FGGY: variants seen among roughly 807,000 people sequenced by gnomAD.
The protein encoded by FGGY is FGGY carbohydrate kinase domain-containing protein.
In FGGY, 72 loss-of-function variants were observed where a neutral mutation model predicts 71.3. The ratio of observed to expected loss-of-function variants is 1.01; its 90% CI spans 0.84 to 1.23. The LOEUF (loss-of-function observed/expected upper bound fraction) is 1.23. Ranked by LOEUF, FGGY falls within the 50% of genes most tolerant of loss-of-function variation. The probability of loss-of-function intolerance (pLI) is 0.00; values close to 1 mark genes in which losing one functional copy is unlikely to be tolerated. For missense variants in FGGY, 668 were observed against 682.3 expected, an observed-to-expected ratio of 0.98 and a Z score of 0.23; for synonymous variants, 251 against 250.3, an observed-to-expected ratio of 1.00 and a Z score of -0.02.
intron 5 of FGGY, among the ~76,000 whole-genome samples, chr1:59,410,803 A>C (rs1280142311): frequency 6.6e-6 from 1 of 152,198 alleles, no homozygotes; most frequent in Non-Finnish European, 1.5e-5. Context: ...ATTAAAAAAT[A>C]TTATAATGTG....
intron 5 of FGGY, among the ~76,000 whole-genome samples, chr1:59,456,031 C>A (rs1358032242): frequency 6.6e-6 from 1 of 152,206 alleles, no homozygotes; most frequent in African/African-American, 2.4e-5. Flanking sequence ...TGACCATACT[C>A]TTTATTATCT....
upstream of FGGY, chr1:59,297,049 T>A (rs993394554): frequency 6.8e-6 from 1 of 147,608 alleles, no homozygotes; most frequent in Non-Finnish European, 1.4e-5. Flanking sequence ...TGCCTCCTCC[T>A]CCCCTGCCTC....
chr1:59,550,774 T>C (rs1296886310), intron 7 of FGGY, among the ~76,000 whole-genome samples: 1 of 152,190 alleles, frequency 6.6e-6, no homozygotes, highest in African/African-American at 2.4e-5. Flanking sequence ...GTTTTCATTA[T>C]GTAAGACAAT....
chr1:59,544,758 G>C (rs1465949113), intron 7 of FGGY, among the ~76,000 whole-genome samples: 1 of 152,212 alleles, frequency 6.6e-6, no homozygotes, highest in Non-Finnish European at 1.5e-5. Context: ...AACTGGTGGT[G>C]AGAAAGAATC....
At chr1:59,302,794 T>C (rs1365235798) in intron 1 of FGGY, among the ~76,000 whole-genome samples, 1 of 152,132 alleles carries the variant, frequency 6.6e-6, no homozygotes, top group Non-Finnish European at 1.5e-5. Flanking sequence ...GAAAGTTTAA[T>C]TGAATCTTAT....
At chr1:59,417,868 T>C (rs143808862) in intron 5 of FGGY, among the ~76,000 whole-genome samples, 4 of 152,338 alleles carry the variant, frequency 2.6e-5, no homozygotes, top group African/African-American at 9.6e-5. Context: ...GAAAACTTAG[T>C]TCCTCAGTCA....
intron 8 of FGGY, among the ~76,000 whole-genome samples, chr1:59,569,837 G>A (rs564728011): frequency 6.6e-6 from 1 of 152,062 alleles, no homozygotes; most frequent in Non-Finnish European, 1.5e-5. Context: ...TAAGTGATTT[G>A]TTCAGTGTCC....
At chr1:59,371,986 A>C (rs2057733200) in intron 4 of FGGY, among the ~76,000 whole-genome samples, 1 of 152,102 alleles carries the variant, frequency 6.6e-6, no homozygotes, top group Admixed American at 6.5e-5. Flanking sequence ...CCCTAACATC[A>C]CAATTAAAAG....
intron 8 of FGGY, among the ~76,000 whole-genome samples, chr1:59,597,085 A>G (rs2096532184): frequency 6.6e-6 from 1 of 151,890 alleles, no homozygotes; most frequent in African/African-American, 2.4e-5. Context: ...CTTTTTGCCT[A>G]TTCAGTTTAG....
At position 59,607,923 on chromosome 1, in the gene FGGY, T is replaced by G; in HGVS notation, c.1011+13T>G. On this transcript the variant is annotated intron_variant, in intron 9 of 15. Transcript: ENST00000303721. ...TACTGGAAAATTGGTAAGTTGACAC[T>G]TTCTCAATAGGGTCATGGATGTTTT... The G allele has an allele frequency of 6.3e-7, 1 of 1,594,284 alleles. No homozygotes were observed. The highest frequency in any genetic ancestry group is 2.2e-5 in the East Asian group (1 of 44,774).
intron 6 of FGGY, among the ~76,000 whole-genome samples, chr1:59,480,345 G>T (rs925889295): frequency 6.6e-6 from 1 of 152,060 alleles, no homozygotes; most frequent in Non-Finnish European, 1.5e-5. Context: ...CCTTCTCACC[G>T]CAAGATCTGC....
chr1:59,494,679 C>A (rs1224130558), intron 6 of FGGY, among the ~76,000 whole-genome samples: 2 of 152,104 alleles, frequency 1.3e-5, no homozygotes, highest in Non-Finnish European at 2.9e-5. Flanking sequence ...ACCAGAAATG[C>A]AATATGTAAT....
chr1:59,581,453 A>C (rs533829918), intron 8 of FGGY, among the ~76,000 whole-genome samples: 2 of 150,136 alleles, frequency 1.3e-5, no homozygotes, highest in African/African-American at 5.0e-5. Flanking sequence ...TTTCATTATA[A>C]CATTGCTTCT....
chr1:59,646,950 T>C (rs2097100743), intron 11 of FGGY, among the ~76,000 whole-genome samples: 2 of 152,268 alleles, frequency 1.3e-5, no homozygotes, highest in Admixed American at 1.3e-4. Flanking sequence ...TTTTAATGAC[T>C]TTTTAAATTC....
chr1:59,562,637 C>T (rs1329187924), intron 8 of FGGY, among the ~76,000 whole-genome samples: 3 of 152,072 alleles, frequency 2.0e-5, no homozygotes, highest in Non-Finnish European at 2.9e-5. Context: ...GTACCAGAAA[C>T]GAATGCAAAC....
chr1:59,306,509 G>T (rs977673007), intron 1 of FGGY, among the ~76,000 whole-genome samples: 2 of 152,212 alleles, frequency 1.3e-5, no homozygotes, highest in Non-Finnish European at 2.9e-5. Context: ...AACCCAAAAG[G>T]AGAAATCGTG....
At chr1:59,308,597 T>C (rs1421027151) in intron 1 of FGGY, among the ~76,000 whole-genome samples, 1 of 152,164 alleles carries the variant, frequency 6.6e-6, no homozygotes, top group African/African-American at 2.4e-5. Context: ...CTGGAGGCCT[T>C]TTTAAAGCAC....
intron 2 of FGGY, among the ~76,000 whole-genome samples, chr1:59,331,153 T>A (rs570784811): frequency 2.0e-5 from 3 of 152,116 alleles, no homozygotes; most frequent in Non-Finnish European, 4.4e-5. Flanking sequence ...AAGGCAGGCG[T>A]AACTGGACTT....
chr1:59,727,326 T>C (rs1169591093), intron 14 of FGGY, among the ~76,000 whole-genome samples: 2 of 152,228 alleles, frequency 1.3e-5, no homozygotes, highest in Admixed American at 1.3e-4. Flanking sequence ...ATGTCTTCAC[T>C]ATTATGAATA....
Sources: allele counts gnomAD v4.1 joint callset (sites outside exome capture counted in the v4.1 genomes callset), GRCh38; gene constraint gnomAD v4.1.1; transcripts MANE v1.5; gene names NCBI Gene and HGNC (gene_info 2026-07-23, HGNC 2026-07-21).